The following DOCK3 variants were observed in gnomAD, a reference collection of about 807,000 sequenced individuals.
DOCK3 encodes the protein dedicator of cytokinesis 3.
In DOCK3, 60 loss-of-function variants were observed where a neutral mutation model predicts 265.6. The ratio of observed to expected loss-of-function variants is 0.23; its 90% CI spans 0.18 to 0.28. DOCK3 has a LOEUF of 0.28. DOCK3 is among the 10% of genes least tolerant of loss of function. The probability of loss-of-function intolerance (pLI) is 1.00; values close to 1 mark genes in which losing one functional copy is unlikely to be tolerated. For missense variants in DOCK3, 1,981 were observed against 2,594.3 expected, an observed-to-expected ratio of 0.76 and a Z score of 5.14; for synonymous variants, 881 against 938.0, an observed-to-expected ratio of 0.94 and a Z score of 1.11.
At chr3:51,218,181 C>G (rs966346492) in intron 14 of DOCK3, among the ~76,000 whole-genome samples, 3 of 151,990 alleles carry the variant, frequency 2.0e-5, no homozygotes, top group African/African-American at 7.3e-5. Flanking sequence ...CGCCTATAAT[C>G]CTAGCACTTT....
intron 5 of DOCK3, among the ~76,000 whole-genome samples, chr3:51,018,363 C>T (rs1444778886): frequency 6.6e-6 from 1 of 151,050 alleles, no homozygotes; most frequent in Non-Finnish European, 1.5e-5. Context: ...TTTGAGAAGC[C>T]CAGGCAGGTG....
chr3:51,116,299 A>G (rs2083735572), intron 9 of DOCK3, among the ~76,000 whole-genome samples: 2 of 151,908 alleles, frequency 1.3e-5, no homozygotes, highest in African/African-American at 2.4e-5. Flanking sequence ...AAAATACAAA[A>G]AATTAGCTGG....
At chr3:50,723,546 A>G (rs1166179617) in intron 1 of DOCK3, among the ~76,000 whole-genome samples, 2 of 152,192 alleles carry the variant, frequency 1.3e-5, no homozygotes, top group African/African-American at 4.8e-5. Context: ...AACACCACAC[A>G]TCTACAACCA....
intron 10 of DOCK3, among the ~76,000 whole-genome samples, chr3:51,151,908 C>A (rs1054251364): frequency 2.0e-5 from 3 of 152,178 alleles, no homozygotes; most frequent in Non-Finnish European, 2.9e-5. Context: ...CCTGACTTTT[C>A]TCTCTCGCTG....
At chr3:51,054,510 A>C (rs2081126689) in intron 5 of DOCK3, among the ~76,000 whole-genome samples, 1 of 152,090 alleles carries the variant, frequency 6.6e-6, no homozygotes, top group Admixed American at 6.5e-5. Context: ...AATTTCTTTC[A>C]ATTCTAGGAC....
At chr3:51,356,926 A>T (rs189674717) in intron 43 of DOCK3, 36 bp from the exon 44 acceptor site, 5 of 1,578,624 alleles carry the variant, frequency 3.2e-6, no homozygotes. Flanking sequence ...GGTTATCATC[A>T]TTTCTGGGAT....
At chr3:50,739,280 A>G (rs1236962545) in intron 1 of DOCK3, among the ~76,000 whole-genome samples, 2 of 152,130 alleles carry the variant, frequency 1.3e-5, no homozygotes, top group Non-Finnish European at 2.9e-5. Flanking sequence ...TTAGGTTGAA[A>G]TCAGTCTACT....
At chr3:50,758,986 G>A (rs551707080) in intron 1 of DOCK3, among the ~76,000 whole-genome samples, 5 of 152,182 alleles carry the variant, frequency 3.3e-5, no homozygotes, top group African/African-American at 9.6e-5. Context: ...TTGTAGGCAC[G>A]TACCATATTT....
At chr3:50,801,662 T>C (rs1244961506) in intron 2 of DOCK3, among the ~76,000 whole-genome samples, 1 of 152,142 alleles carries the variant, frequency 6.6e-6, no homozygotes, top group East Asian at 1.9e-4. Context: ...ATGAGGAGAA[T>C]GTGTATTCTA....
intron 1 of DOCK3, among the ~76,000 whole-genome samples, chr3:50,679,920 A>G (rs1002950198): frequency 6.6e-6 from 1 of 152,198 alleles, no homozygotes; most frequent in Non-Finnish European, 1.5e-5. Context: ...TTTACACTAT[A>G]TCACCACCTC....
At chr3:51,254,041 T>G (rs975186312) in intron 22 of DOCK3, among the ~76,000 whole-genome samples, 1 of 152,234 alleles carries the variant, frequency 6.6e-6, no homozygotes, top group Non-Finnish European at 1.5e-5. Context: ...GCTTTAAATG[T>G]GTCTCAGAGG....
intron 10 of DOCK3, among the ~76,000 whole-genome samples, chr3:51,153,063 G>GAA (rs1201468343): frequency 2.6e-5 from 4 of 152,266 alleles, no homozygotes; most frequent in Admixed American, 2.6e-4. Context: ...TAAGTCTGCA[G>GAA]AAGTTTCTGC....
intron 12 of DOCK3, among the ~76,000 whole-genome samples, chr3:51,186,000 G>T (rs2087576930): frequency 2.0e-5 from 3 of 152,270 alleles, no homozygotes; most frequent in Non-Finnish European, 1.5e-5. Context: ...TACCAGTAGA[G>T]TCGGGCACTG....
chr3:50,852,320 A>G (rs138760157), intron 3 of DOCK3, among the ~76,000 whole-genome samples: 6 of 152,290 alleles, frequency 3.9e-5, no homozygotes, highest in Admixed American at 6.5e-5. Flanking sequence ...CATTTTCTGA[A>G]TTCTTCATTC....
Position 51,208,811 on chromosome 3 carries a change from A to G in DOCK3, c.1075A>G (p.Asn359Asp). The change falls in exon 13 of 53, where the codon AAC becomes GAC. Residue 359 changes from asparagine (N) to aspartate (D), a missense_variant. Asn to Asp is a conservative substitution (Grantham distance 23). This residue lies in a region of DOCK3 where 456 missense variants were observed against 539.0 expected (regional missense o/e 0.85). Transcript: ENST00000266037. Reference protein sequence around the residue: ...NESEWSQIHENIIRKSSAKYS... With the variant: ...NESEWSQIHEDIIRKSSAKYS... ...GAGTGAGTGGTCCCAGATCCACGAG[A>G]ACATCATCCGAAAGTCCAGTGCCAA... The G allele has an allele frequency of 6.2e-7, 1 of 1,612,292 alleles. No homozygotes were observed. Among genetic ancestry groups the G allele is most frequent in the Non-Finnish European group, 8.5e-7 (1 of 1,179,344 alleles).
intron 19 of DOCK3, among the ~76,000 whole-genome samples, chr3:51,236,128 T>C (rs1020201537): frequency 2.0e-5 from 3 of 152,238 alleles, no homozygotes; most frequent in African/African-American, 7.2e-5. Flanking sequence ...TAAGTCTTTC[T>C]TGGGGCCCTT....
At chr3:50,957,243 A>G (rs2076755783) in intron 5 of DOCK3, among the ~76,000 whole-genome samples, 1 of 152,258 alleles carries the variant, frequency 6.6e-6, no homozygotes, top group African/African-American at 2.4e-5. Flanking sequence ...TTGTCTAAAT[A>G]CAGAAACAAT....
At chr3:50,714,269 T>C (rs1352683731) in intron 1 of DOCK3, among the ~76,000 whole-genome samples, 1 of 152,220 alleles carries the variant, frequency 6.6e-6, no homozygotes, top group Non-Finnish European at 1.5e-5. Context: ...TTAAAACCTT[T>C]TTATTGCATC....
chr3:51,155,649 G>A (rs2085810540), intron 10 of DOCK3, among the ~76,000 whole-genome samples: 1 of 152,144 alleles, frequency 6.6e-6, no homozygotes, highest in African/African-American at 2.4e-5. Context: ...TATTTGGCAT[G>A]GCCTTTATTC....
Sources: allele counts gnomAD v4.1 joint callset (sites outside exome capture counted in the v4.1 genomes callset), GRCh38; gene constraint gnomAD v4.1.1; regional missense constraint gnomAD v4.1.1; transcripts MANE v1.5; gene names NCBI Gene and HGNC (gene_info 2026-07-23, HGNC 2026-07-21).